Variants in ATP6V0E1 observed in about 807,000 individuals in gnomAD.
ATP6V0E1 encodes ATPase H+ transporting V0 subunit e1.
In ATP6V0E1, 4 loss-of-function variants were observed where a neutral mutation model predicts 11.6. The observed-to-expected ratio is 0.35, with a 90% CI of 0.17 to 0.79. The LOEUF (loss-of-function observed/expected upper bound fraction) is 0.79, where lower values mean the gene tolerates loss of function less well. ATP6V0E1 is among the 30% of genes least tolerant of loss of function. ATP6V0E1 has a pLI of 0.54. For missense variants in ATP6V0E1, 105 were observed against 100.0 expected, an observed-to-expected ratio of 1.05 and a Z score of -0.21; for synonymous variants, 36 against 34.8, an observed-to-expected ratio of 1.04 and a Z score of -0.13.
chr5:172,993,686 C>CCG lies in ATP6V0E1; in HGVS notation c.105-1088_105-1087insGC, dbSNP rs1554118441. 1.6e-5 allele frequency among the ~76,000 whole-genome samples: 2 copies of CCG among 125,174 alleles called. 1 individual carries two copies. The highest frequency in any genetic ancestry group is 5.9e-4 in the East Asian group (2 of 3,378). 82.1% of individuals were successfully genotyped at this position (125,174 alleles called of 152,430 possible). The stretch of plus-strand genomic sequence containing the variant: ...CCTGGTCAACATATTGAGACCCCCC[C>CCG]CCCCGACCCCACCTCTCCAAAAAAA... On this transcript the variant is annotated intron_variant, in intron 1 of 3. Coordinates refer to ENST00000519374, the MANE Select transcript of ATP6V0E1 (RefSeq NM_003945.4).
intron 2 of ATP6V0E1, among the ~76,000 whole-genome samples, chr5:172,998,187 A>G (rs1165356758): frequency 2.2e-5 from 3 of 134,396 alleles, no homozygotes; most frequent in East Asian, 2.1e-4. Context: ...CTTAAAATTT[A>G]GTCTTTTTTT....
intron 2 of ATP6V0E1, among the ~76,000 whole-genome samples, chr5:173,015,006 G>A (rs1756382013): frequency 6.6e-6 from 1 of 152,186 alleles, no homozygotes; most frequent in African/African-American, 2.4e-5. Context: ...ATATTCTTTA[G>A]TGAAGGCACC....
chr5:173,012,113 C>T (rs1367604834), intron 2 of ATP6V0E1, among the ~76,000 whole-genome samples: 1 of 150,454 alleles, frequency 6.6e-6, no homozygotes, highest in Non-Finnish European at 1.5e-5. Context: ...CTCACTGCAA[C>T]CTCTGCCTCC....
chr5:173,034,449 C>G lies in ATP6V0E1; in HGVS notation c.*87C>G, dbSNP rs1183365060. On this transcript the variant is annotated 3_prime_UTR_variant, in exon 4 of 4. Transcript: ENST00000519374. ...ATGCAAAATCACCTCCAAACCAGACCACTTTTCTTGACTTGCCTGTTTTGG... is the reference window on the plus strand; with the variant it reads ...ATGCAAAATCACCTCCAAACCAGACGACTTTTCTTGACTTGCCTGTTTTGG... 6 of 702,906 alleles carry G rather than the reference C, an allele frequency of 8.5e-6. No individual in the cohort carries two copies. The highest frequency in any genetic ancestry group is 1.3e-5 in the Non-Finnish European group (5 of 384,948). The allele number at this position is 702,906 out of a possible 1,614,324, so 43.5% of individuals were successfully genotyped here.
intron 1 of ATP6V0E1, among the ~76,000 whole-genome samples, chr5:172,992,767 G>A (rs746179219): frequency 2.6e-5 from 4 of 152,040 alleles, no homozygotes; most frequent in Non-Finnish European, 5.9e-5. Flanking sequence ...CCAGTAGCAC[G>A]TGAGCTTCAT....
intron 2 of ATP6V0E1, among the ~76,000 whole-genome samples, chr5:173,017,638 C>T (rs1021864372): frequency 3.3e-5 from 5 of 151,454 alleles, no homozygotes; most frequent in Admixed American, 6.6e-5. Context: ...GTCAGGAGTT[C>T]GACACCAGCC....
At chr5:173,030,921 GTATT>G (rs33921331) in intron 3 of ATP6V0E1, among the ~76,000 whole-genome samples, 31,543 of 141,712 alleles carry the variant, frequency 0.22, 4,679 homozygotes, top group East Asian at 0.75. Context: ...GCTAATTTTT[GTATT>G]TATTTATTTA....
At chr5:173,029,990 A>G (rs1756625539) in intron 3 of ATP6V0E1, among the ~76,000 whole-genome samples, 1 of 152,162 alleles carries the variant, frequency 6.6e-6, no homozygotes, top group Non-Finnish European at 1.5e-5. Flanking sequence ...ACATTCATTA[A>G]TTTAGAAAAC....
intron 2 of ATP6V0E1, among the ~76,000 whole-genome samples, chr5:173,014,302 A>G (rs1374838037): frequency 6.6e-6 from 1 of 152,198 alleles, no homozygotes; most frequent in Non-Finnish European, 1.5e-5. Flanking sequence ...AGAAAATGGT[A>G]TGGAGATTTT....
chr5:172,996,768 C>G (rs1756073544), intron 2 of ATP6V0E1, among the ~76,000 whole-genome samples: 1 of 152,072 alleles, frequency 6.6e-6, no homozygotes, highest in Non-Finnish European at 1.5e-5. Flanking sequence ...CATATGTTAA[C>G]AGAAGACATA....
At chr5:172,992,311 A>G (rs1341214003) in intron 1 of ATP6V0E1, among the ~76,000 whole-genome samples, 2 of 152,188 alleles carry the variant, frequency 1.3e-5, no homozygotes, top group Non-Finnish European at 1.5e-5. Flanking sequence ...TCGGCCTCCC[A>G]AAGTGCCGGG....
At chr5:173,030,381 C>T (rs1007813617) in intron 3 of ATP6V0E1, among the ~76,000 whole-genome samples, 4 of 151,628 alleles carry the variant, frequency 2.6e-5, no homozygotes, top group African/African-American at 7.3e-5. Context: ...TACTTTTCCC[C>T]GAACAGATTT....
At chr5:173,021,802 A>T (rs1356476293) in intron 3 of ATP6V0E1, among the ~76,000 whole-genome samples, 1 of 152,186 alleles carries the variant, frequency 6.6e-6, no homozygotes, top group African/African-American at 2.4e-5. Flanking sequence ...TAATCCCAGC[A>T]CTTTGGGAGG....
At chr5:172,995,293 G>A (rs576024070) in intron 2 of ATP6V0E1, among the ~76,000 whole-genome samples, 7 of 152,128 alleles carry the variant, frequency 4.6e-5, no homozygotes, top group South Asian at 2.1e-4. Context: ...TAGTGGAGAC[G>A]GGTTTGCCAT....
At chr5:173,004,898 C>T (rs1434473784) in intron 2 of ATP6V0E1, among the ~76,000 whole-genome samples, 4 of 152,258 alleles carry the variant, frequency 2.6e-5, no homozygotes, top group South Asian at 4.1e-4. Flanking sequence ...TGTTGCTGCA[C>T]CAGCTTTTGA....
At chr5:173,007,994 A>C (rs1756254549) in intron 2 of ATP6V0E1, among the ~76,000 whole-genome samples, 1 of 152,202 alleles carries the variant, frequency 6.6e-6, no homozygotes, top group African/African-American at 2.4e-5. Context: ...CCAAGGCTAC[A>C]AGATCAAAGA....
chr5:173,011,700 G>A (rs1471460788), intron 2 of ATP6V0E1, among the ~76,000 whole-genome samples: 1 of 152,086 alleles, frequency 6.6e-6, no homozygotes, highest in Admixed American at 6.5e-5. Context: ...CACCATAGCT[G>A]CCTCAATTGT....
At chr5:173,003,536 G>T (rs1266563884) in intron 2 of ATP6V0E1, among the ~76,000 whole-genome samples, 1 of 152,152 alleles carries the variant, frequency 6.6e-6, no homozygotes. Context: ...ACTGTTTGGC[G>T]GGGAGAATGG....
At chr5:172,988,636 T>C (rs900463858) in intron 1 of ATP6V0E1, among the ~76,000 whole-genome samples, 2 of 152,224 alleles carry the variant, frequency 1.3e-5, no homozygotes, top group East Asian at 1.9e-4. Flanking sequence ...TTGAAAATAC[T>C]GCAAATCAAA....
Sources: gnomAD v4.1 joint callset for allele counts (sites outside exome capture counted in the v4.1 genomes callset) on GRCh38, gnomAD v4.1.1 for gene constraint, MANE v1.5 for transcripts, NCBI Gene and HGNC (gene_info 2026-07-23, HGNC 2026-07-21) for gene names.